ZSCAN20: variants seen among roughly 807,000 people sequenced by gnomAD.
The protein encoded by ZSCAN20 is zinc finger and SCAN domain containing 20.
In ZSCAN20, 39 loss-of-function variants were observed where a neutral mutation model predicts 97.1. The ratio of observed to expected loss-of-function variants is 0.40; its 90% confidence interval spans 0.31 to 0.52. The LOEUF (loss-of-function observed/expected upper bound fraction) is 0.52. ZSCAN20 is among the 20% of genes least tolerant of loss of function. ZSCAN20 has a pLI of 0.49. For missense variants in ZSCAN20, 1,115 were observed against 1,290.4 expected, an observed-to-expected ratio of 0.86 and a Z score of 2.08; for synonymous variants, 456 against 467.3, an observed-to-expected ratio of 0.98 and a Z score of 0.31.
intron 2 of ZSCAN20, among the ~76,000 whole-genome samples, chr1:33,480,100 C>T (rs115422161): frequency 0.015 from 2,285 of 152,282 alleles, 34 homozygotes; most frequent in Middle Eastern, 0.038. Context: ...ATGATTAACT[C>T]GTGTTTTATA....
intron 2 of ZSCAN20, among the ~76,000 whole-genome samples, chr1:33,481,973 T>C (rs1652172792): frequency 1.3e-5 from 2 of 152,154 alleles, no homozygotes; most frequent in South Asian, 2.1e-4. Context: ...CAAGCCTCCC[T>C]AACTATCAAC....
intron 2 of ZSCAN20, among the ~76,000 whole-genome samples, chr1:33,486,435 G>T (rs572315999): frequency 6.6e-6 from 1 of 152,284 alleles, no homozygotes; most frequent in East Asian, 1.9e-4. Context: ...TGGGGAGAAT[G>T]GTTTGCCCTG....
rs557754521 is a variant in ZSCAN20, at chr1:33,493,264, C to T, written c.1522C>T (p.Arg508Cys). 20 of 1,614,200 alleles carry T rather than the reference C, an allele frequency of 1.2e-5. No individual in the cohort carries two copies. Among genetic ancestry groups the T allele is most frequent in the African/African-American group, 2.7e-5 (2 of 75,056 alleles). Reference protein sequence around the residue: ...LSESPFSEKLRTCHQNSQVYR... With the variant: ...LSESPFSEKLCTCHQNSQVYR... ...TGAGTCCCCATTCTCGGAAAAGCTT[C>T]GTACCTGTCACCAGAACAGCCAGGT... Residue 508 changes from arginine (R) to cysteine (C), a missense_variant, in exon 7 of 8, where the codon CGT becomes TGT. Physicochemically the swap from Arg to Cys is radical, Grantham distance 180. Transcript: ENST00000684572. This position sits in a 1 kb window ranked among gnomAD's most constrained non-coding sequence, Gnocchi z 4.3.
In ZSCAN20 at chr1:33,488,429, A is replaced by C. The variant is rs377557979; in HGVS notation, c.418-36A>C. 23 of 1,603,322 alleles carry C rather than the reference A, an allele frequency of 1.4e-5. No individual in the cohort carries two copies. In the African/African-American group the frequency reaches 2.8e-4, roughly 20 times the overall value. ...CAAAATACCAAAGTGGGTCTTACTG[A>C]ATTGTTGATTGGGAATTTTGACTAT... On this transcript the variant is annotated intron_variant, in intron 2 of 7. Coordinates refer to ENST00000684572, the MANE Select transcript of ZSCAN20 (RefSeq NM_001377376.1).
Position 33,499,396 on chromosome 1 carries a change from G to A in ZSCAN20, c.*3920G>A, listed in dbSNP as rs1342159889. 6.6e-6 allele frequency among the ~76,000 whole-genome samples: 1 copy of A among 151,812 alleles called. No homozygotes were observed. The highest frequency in any genetic ancestry group is 1.5e-5 in the Non-Finnish European group (1 of 67,966). The stretch of plus-strand genomic sequence containing the variant: ...TCTTTTCTTCTGTGTAGATGCTAAT[G>A]ACTTCCAGATCTGTGTCCTGCTGTG... On this transcript the variant is annotated 3_prime_UTR_variant, in exon 8 of 8. Coordinates refer to ENST00000684572, the MANE Select transcript of ZSCAN20 (RefSeq NM_001377376.1).
chr1:33,494,382 C>T lies in ZSCAN20; in HGVS notation c.2038C>T (p.Pro680Ser), dbSNP rs752851529. Residue 680 changes from proline (P) to serine (S), a missense_variant, in exon 8 of 8, where the codon CCC becomes TCC. By Grantham distance (74) the Pro-to-Ser change is moderately conservative. Around this residue, in one of 3 missense-constraint regions of ZSCAN20, gnomAD observed 554 missense variants for 584.9 expected, o/e 0.95. Transcript: ENST00000684572. The part of the protein sequence containing the change: ...ENEDEGQWGN[P>S]SQEQWQESSS... The stretch of plus-strand genomic sequence containing the variant: ...TGAAGATGAAGGGCAGTGGGGAAAT[C>T]CCTCACAGGAACAGTGGCAAGAAAG... 1.2e-6 allele frequency: 2 copies of T among 1,613,960 alleles called. No individual in the cohort carries two copies. Among genetic ancestry groups the T allele is most frequent in the Non-Finnish European group, 1.7e-6 (2 of 1,180,000 alleles).
chr1:33,497,475 G>A lies in ZSCAN20; in HGVS notation c.*1999G>A, dbSNP rs1652915933. On this transcript the variant is annotated 3_prime_UTR_variant, in exon 8 of 8. Transcript: ENST00000684572. ...AATAGCATGGATTCAGGGTGGGGTTGTATGATGGGAGGTTGGGAACAGGGA... is the reference window on the plus strand; with the variant it reads ...AATAGCATGGATTCAGGGTGGGGTTATATGATGGGAGGTTGGGAACAGGGA... Among the ~76,000 whole-genome samples, 1 of 152,198 alleles carries A rather than the reference G, an allele frequency of 6.6e-6. No homozygotes were observed. The highest frequency in any genetic ancestry group is 2.4e-5 in the African/African-American group (1 of 41,450).
intron 1 of ZSCAN20, among the ~76,000 whole-genome samples, chr1:33,474,352 C>A (rs1272735000): frequency 1.3e-5 from 2 of 152,194 alleles, no homozygotes; most frequent in Non-Finnish European, 2.9e-5. Context: ...TTTAAGAGTT[C>A]CCAGTTTTTT....
intron 1 of ZSCAN20, among the ~76,000 whole-genome samples, chr1:33,476,192 C>T (rs1651932182): frequency 6.6e-6 from 1 of 152,188 alleles, no homozygotes; most frequent in Non-Finnish European, 1.5e-5. Flanking sequence ...CTGAGGAATG[C>T]CCCGGTCCAT....
At chr1:33,481,226 G>A (rs1338551212) in intron 2 of ZSCAN20, among the ~76,000 whole-genome samples, 1 of 152,094 alleles carries the variant, frequency 6.6e-6, no homozygotes, top group Non-Finnish European at 1.5e-5. Flanking sequence ...CCAGCTGTTT[G>A]TCTTAAGTGG....
chr1:33,495,564 A>G lies in ZSCAN20; in HGVS notation c.*88A>G. ...GCTAGAGATAAACTTTCCAATTTTTAAGCTTGGTGTGTACCCAGGGAAGTT... is the reference window on the plus strand; with the variant it reads ...GCTAGAGATAAACTTTCCAATTTTTGAGCTTGGTGTGTACCCAGGGAAGTT... On this transcript the variant is annotated 3_prime_UTR_variant, in exon 8 of 8. Coordinates refer to ENST00000684572, the MANE Select transcript of ZSCAN20 (RefSeq NM_001377376.1). The G allele has an allele frequency of 8.0e-7, 1 of 1,251,806 alleles. No individual in the cohort carries two copies. The highest frequency in any genetic ancestry group is 2.6e-5 in the East Asian group (1 of 37,822). 77.5% of individuals were successfully genotyped at this position (1,251,806 alleles called of 1,614,324 possible). A position where few individuals can be genotyped will look rare whatever the true frequency, so the allele number is the denominator to read the frequency against.
rs1296245609 is a variant in ZSCAN20 at position 33,495,125 on chromosome 1, A to G, written c.2781A>G (p.Gly927=). ...CCAACCACCAGCGCACCCACACTGGAGAGAAGCCGTATAAATGTGTGGACT... is the reference window on the plus strand; with the variant it reads ...CCAACCACCAGCGCACCCACACTGGGGAGAAGCCGTATAAATGTGTGGACT... ...TLANHQRTHT[G]EKPYKCVDCG... is the part of the protein sequence containing the mutation. The change falls in exon 8 of 8, where the codon GGA becomes GGG. Residue 927 remains glycine (G), a synonymous_variant. Transcript: ENST00000684572. The G allele has an allele frequency of 6.2e-7, 1 of 1,613,784 alleles. No homozygotes were observed. Among genetic ancestry groups the G allele is most frequent in the African/African-American group, 1.3e-5 (1 of 75,030 alleles).
Position 33,493,169 on chromosome 1 carries a change from A to G in ZSCAN20, c.1445-18A>G. ...ATCTCATTAAGTCTCACAGTTCTCA[A>G]CTCTTCACTCCTGACAGCAGGTGTG... On this transcript the variant is annotated intron_variant, in intron 6 of 7. Transcript: ENST00000684572. The surrounding 1 kb of genome is among the most constrained non-coding windows in gnomAD (Gnocchi z 4.3). 6.2e-7 allele frequency: 1 copy of G among 1,609,078 alleles called. No individual in the cohort carries two copies. The highest frequency in any genetic ancestry group is 8.5e-7 in the Non-Finnish European group (1 of 1,176,342).
At chr1:33,486,783 T>G (rs1332571043) in intron 2 of ZSCAN20, among the ~76,000 whole-genome samples, 1 of 152,184 alleles carries the variant, frequency 6.6e-6, no homozygotes, top group African/African-American at 2.4e-5. Flanking sequence ...CATGACCATA[T>G]AAGAAGATTG....
chr1:33,480,765 A>G (rs1652124167), intron 2 of ZSCAN20, among the ~76,000 whole-genome samples: 1 of 152,194 alleles, frequency 6.6e-6, no homozygotes, highest in African/African-American at 2.4e-5. Flanking sequence ...AGTTTCAACA[A>G]TTTGCAAGTG....
chr1:33,495,140 A>G lies in ZSCAN20; in HGVS notation c.2796A>G (p.Lys932=). 2 of 1,613,962 alleles carry G rather than the reference A, an allele frequency of 1.2e-6. No individual in the cohort carries two copies. The highest frequency in any genetic ancestry group is 1.7e-6 in the Non-Finnish European group (2 of 1,179,918). The change falls in exon 8 of 8, where the codon AAA becomes AAG. Residue 932 remains lysine, a synonymous_variant. Transcript: ENST00000684572. Reference sequence around the variant, plus strand: ...CCCACACTGGAGAGAAGCCGTATAAATGTGTGGACTGTGGGAAGTGCTTCA... The same window carrying G: ...CCCACACTGGAGAGAAGCCGTATAAGTGTGTGGACTGTGGGAAGTGCTTCA... The part of the protein sequence containing the change: ...QRTHTGEKPY[K]CVDCGKCFSE...
At chr1:33,490,679 ACACAC>A (rs747838331) in intron 5 of ZSCAN20, among the ~76,000 whole-genome samples, 1,459 of 107,540 alleles carry the variant, frequency 0.014, 16 homozygotes, top group East Asian at 0.03. Context: ...ACACACACAC[ACACAC>A]CACACACCCT....
chr1:33,474,551 A>C (rs1367458759), intron 1 of ZSCAN20, among the ~76,000 whole-genome samples: 1 of 152,160 alleles, frequency 6.6e-6, no homozygotes, highest in Non-Finnish European at 1.5e-5. Flanking sequence ...CTTATCCCTC[A>C]TGACCTGGGA....
In ZSCAN20 at chr1:33,497,633, T is replaced by C. The variant is rs74973196; in HGVS notation, c.*2157T>C. Among the ~76,000 whole-genome samples, 31 of 152,290 alleles carry C rather than the reference T, an allele frequency of 2.0e-4. No individual in the cohort carries two copies. The highest frequency in any genetic ancestry group is 4.1e-4 in the Non-Finnish European group (28 of 68,034). The stretch of plus-strand genomic sequence containing the variant: ...ACAGCTGAATGGAACTTGGACATGC[T>C]GCAATTAGGATGGCCTTTTGGGACA... On this transcript the variant is annotated 3_prime_UTR_variant, in exon 8 of 8. Transcript: ENST00000684572.
Sources: allele counts gnomAD v4.1 joint callset (sites outside exome capture counted in the v4.1 genomes callset), GRCh38; gene constraint gnomAD v4.1.1; regional missense constraint gnomAD v4.1.1; non-coding constraint Gnocchi (gnomAD v3.1); transcripts MANE v1.5; gene names NCBI Gene and HGNC (gene_info 2026-07-23, HGNC 2026-07-21).